Variants in MGAT5 observed in about 807,000 individuals in gnomAD.
MGAT5 encodes the protein alpha-1,6-mannosylglycoprotein 6-beta-N-acetylglucosaminyltransferase A.
In MGAT5, 30 loss-of-function variants were observed where a neutral mutation model predicts 94.3. The observed-to-expected ratio is 0.32, with a 90% CI of 0.24 to 0.43. MGAT5 has a LOEUF of 0.43. Among genes scored for constraint, MGAT5 ranks in the 20% least tolerant of loss-of-function variants. MGAT5 has a pLI of 1.00. For synonymous variants in MGAT5, 310 were observed against 322.9 expected, an observed-to-expected ratio of 0.96 and a Z score of 0.43; for missense variants, 691 against 905.5, an observed-to-expected ratio of 0.76 and a Z score of 3.04.
At chr2:134,245,008 T>G (rs1312513251) in intron 1 of MGAT5, among the ~76,000 whole-genome samples, 1 of 152,164 alleles carries the variant, frequency 6.6e-6, no homozygotes, top group Admixed American at 6.5e-5. Flanking sequence ...TTAGTAGTTG[T>G]TTTCAGAATT....
At chr2:134,154,897 G>A (rs780973779) in intron 1 of MGAT5, among the ~76,000 whole-genome samples, 16 of 152,182 alleles carry the variant, frequency 1.1e-4, no homozygotes, top group South Asian at 6.2e-4. Context: ...ACCACCGTGA[G>A]GTGTCTTGGT....
intron 14 of MGAT5, among the ~76,000 whole-genome samples, chr2:134,429,373 T>C (rs1373044598): frequency 6.6e-6 from 1 of 152,152 alleles, no homozygotes; most frequent in East Asian, 1.9e-4. Context: ...TTCGGGGTGG[T>C]GTGTCTGATA....
Position 134,349,790 on chromosome 2 carries a change from G to A in MGAT5, c.1113-15G>A, listed in dbSNP as rs973524896. 3.7e-6 allele frequency: 6 copies of A among 1,612,514 alleles called. No individual in the cohort carries two copies. The African/African-American group carries it at 8.0e-5, about 22-fold the overall frequency. The stretch of plus-strand genomic sequence containing the variant: ...GCAAGTATGTAGTGTTCAACACATT[G>A]CTTTTTTCTTTCAGGTGCATGCTCC... On this transcript the variant is annotated splice_polypyrimidine_tract_variant and intron_variant, in intron 8 of 15. Coordinates refer to ENST00000281923, the MANE Select transcript of MGAT5 (RefSeq NM_002410.5).
At chr2:134,337,691 A>G (rs1688408679) in intron 5 of MGAT5, among the ~76,000 whole-genome samples, 2 of 152,170 alleles carry the variant, frequency 1.3e-5, no homozygotes, top group South Asian at 2.1e-4. Context: ...TGGAATTTTA[A>G]ATTGTTCTCA....
chr2:134,320,727 A>T (rs1384248088), intron 4 of MGAT5, among the ~76,000 whole-genome samples: 11 of 152,158 alleles, frequency 7.2e-5, no homozygotes, highest in Admixed American at 5.2e-4. Context: ...TTCTTGCCAT[A>T]GTTTTCCTTT....
At chr2:134,415,496 G>A (rs1328721335) in intron 12 of MGAT5, among the ~76,000 whole-genome samples, 1 of 152,154 alleles carries the variant, frequency 6.6e-6, no homozygotes, top group Non-Finnish European at 1.5e-5. Context: ...AGTTGTAGGA[G>A]TTCCTTATAT....
At chr2:134,400,056 G>T (rs919980402) in intron 10 of MGAT5, among the ~76,000 whole-genome samples, 1 of 152,328 alleles carries the variant, frequency 6.6e-6, no homozygotes, top group African/African-American at 2.4e-5. Flanking sequence ...TCCTGGAGAA[G>T]AGGAGACCAA....
intron 2 of MGAT5, among the ~76,000 whole-genome samples, chr2:134,295,958 G>T (rs1293745147): frequency 3.3e-5 from 5 of 152,148 alleles, no homozygotes; most frequent in Admixed American, 6.5e-5. Flanking sequence ...TTATTTGGGA[G>T]GTGGAAATTA....
intron 1 of MGAT5, among the ~76,000 whole-genome samples, chr2:134,179,217 C>T (rs10173982): frequency 0.27 from 39,450 of 148,694 alleles, 7,256 homozygotes; most frequent in African/African-American, 0.52. Flanking sequence ...TAAAATGGCC[C>T]CCAAGCATAG....
At chr2:134,285,376 A>G (rs1005006088) in intron 2 of MGAT5, among the ~76,000 whole-genome samples, 11 of 152,248 alleles carry the variant, frequency 7.2e-5, no homozygotes, top group African/African-American at 9.6e-5. Context: ...AAATAACTAC[A>G]TAATAACTAG....
At chr2:134,138,143 T>C (rs1045869578) in intron 1 of MGAT5, among the ~76,000 whole-genome samples, 3 of 152,056 alleles carry the variant, frequency 2.0e-5, no homozygotes, top group African/African-American at 4.8e-5. Context: ...GAGGTGAGTC[T>C]GACCTAGGCC....
At chr2:134,295,201 G>T (rs1461125351) in intron 2 of MGAT5, among the ~76,000 whole-genome samples, 1 of 135,814 alleles carries the variant, frequency 7.4e-6, no homozygotes, top group Non-Finnish European at 1.6e-5. Context: ...GCTCTTCAGT[G>T]GTTCGAAGAT....
intron 2 of MGAT5, among the ~76,000 whole-genome samples, chr2:134,304,060 T>C (rs746939183): frequency 6.6e-6 from 1 of 152,210 alleles, no homozygotes; most frequent in Non-Finnish European, 1.5e-5. Context: ...CTATTGCCAA[T>C]GCATAGTTTC....
chr2:134,362,463 A>C (rs11883785), intron 10 of MGAT5, 55 bp downstream of exon 10: 64,608 of 1,588,510 alleles, frequency 0.041, 7,830 homozygotes, highest in African/African-American at 0.33. Flanking sequence ...TGGGTAATTT[A>C]ATTTAACTTT....
chr2:134,224,776 G>A (rs1190680886), intron 1 of MGAT5, among the ~76,000 whole-genome samples: 3 of 152,028 alleles, frequency 2.0e-5, no homozygotes, highest in African/African-American at 7.2e-5. Flanking sequence ...ATCACTGGGT[G>A]CCTTAGGAAT....
At chr2:134,325,193 G>A (rs1687571548) in intron 4 of MGAT5, among the ~76,000 whole-genome samples, 1 of 151,956 alleles carries the variant, frequency 6.6e-6, no homozygotes, top group South Asian at 2.1e-4. Flanking sequence ...ACAAAAATCA[G>A]AAGGGCAAAG....
intron 4 of MGAT5, among the ~76,000 whole-genome samples, chr2:134,323,639 T>C (rs1687462981): frequency 1.3e-5 from 2 of 152,152 alleles, no homozygotes; most frequent in South Asian, 4.1e-4. Flanking sequence ...GCCATTGACT[T>C]TGCATTCAGT....
intron 10 of MGAT5, among the ~76,000 whole-genome samples, chr2:134,383,075 A>G (rs1681733272): frequency 6.6e-6 from 1 of 152,202 alleles, no homozygotes; most frequent in African/African-American, 2.4e-5. Context: ...ATAATGGGGA[A>G]GTTCACAAAA....
At chr2:134,383,109 C>T (rs930351725) in intron 10 of MGAT5, among the ~76,000 whole-genome samples, 3 of 152,158 alleles carry the variant, frequency 2.0e-5, no homozygotes, top group South Asian at 4.1e-4. Flanking sequence ...ATTTAACTTG[C>T]TCTGCAAGTA....
Sources: allele counts gnomAD v4.1 joint callset (sites outside exome capture counted in the v4.1 genomes callset), GRCh38; gene constraint gnomAD v4.1.1; transcripts MANE v1.5; gene names NCBI Gene and HGNC (gene_info 2026-07-23, HGNC 2026-07-21).